C11orf65: variants seen among roughly 807,000 people sequenced by gnomAD.
The protein encoded by C11orf65 is chromosome 11 open reading frame 65.
C11orf65 carries 38 observed loss-of-function variants against 35.3 expected under a neutral mutation model. That is an observed-to-expected ratio of 1.08 (90% CI 0.83 to 1.41). The LOEUF (loss-of-function observed/expected upper bound fraction) is 1.41, where lower values mean the gene tolerates loss of function less well. Ranked by LOEUF, C11orf65 falls within the 40% of genes most tolerant of loss-of-function variation. The pLI, the probability that C11orf65 is intolerant of heterozygous loss-of-function variation, is 0.00. For synonymous variants in C11orf65, 105 were observed against 114.4 expected, an observed-to-expected ratio of 0.92 and a Z score of 0.53; for missense variants, 370 against 367.1, an observed-to-expected ratio of 1.01 and a Z score of -0.06.
At chr11:108,437,220 G>C (rs1396736295) in intron 2 of C11orf65, among the ~76,000 whole-genome samples, 1 of 151,784 alleles carries the variant, frequency 6.6e-6, no homozygotes, top group Non-Finnish European at 1.5e-5. Flanking sequence ...TCAGGAATTC[G>C]AGGCTACAGT....
chr11:108,393,898 C>G (rs2092236034), intron 6 of C11orf65, among the ~76,000 whole-genome samples: 1 of 152,066 alleles, frequency 6.6e-6, no homozygotes, highest in Non-Finnish European at 1.5e-5. Flanking sequence ...AAAGACACAG[C>G]CAGGCCCAGC....
At chr11:108,379,169 C>T (rs541234661), downstream of C11orf65, among the ~76,000 whole-genome samples, 38 of 152,250 alleles carry the variant, frequency 2.5e-4, no homozygotes, top group African/African-American at 9.1e-4. Flanking sequence ...TATAAAGACA[C>T]ATGCACACGT....
Position 108,398,224 on chromosome 11 carries a change from G to T in C11orf65, c.561-4846C>A, listed in dbSNP as rs79389957. Among the ~76,000 whole-genome samples, 890 of 152,182 alleles carry T rather than the reference G, an allele frequency of 5.8e-3. 8 individuals carry two copies. The highest frequency in any genetic ancestry group is 0.017 in the African/African-American group (723 of 41,516). On this transcript the variant is annotated intron_variant, in intron 6 of 8. Transcript: ENST00000393084. ...CTAGAGACCAGGAAACTAATTAGAA[G>T]GTAGATGAAAAATGATGAGACATCA...
At chr11:108,441,758 G>A (rs1255142981) in intron 2 of C11orf65, among the ~76,000 whole-genome samples, 7 of 152,194 alleles carry the variant, frequency 4.6e-5, no homozygotes, top group Non-Finnish European at 7.3e-5. Flanking sequence ...GCAGCTGCGG[G>A]TCCTATTAGA....
At chr11:108,400,783 G>A (rs896164923) in intron 6 of C11orf65, among the ~76,000 whole-genome samples, 6 of 152,104 alleles carry the variant, frequency 3.9e-5, no homozygotes, top group African/African-American at 1.4e-4. Flanking sequence ...GCCTTGTAAA[G>A]GACAGCCACC....
intron 2 of C11orf65, among the ~76,000 whole-genome samples, chr11:108,356,803 G>A (rs2089986867): frequency 6.6e-6 from 1 of 152,182 alleles, no homozygotes; most frequent in African/African-American, 2.4e-5. Flanking sequence ...GATCAAATGA[G>A]AGAAGTGACA....
intron 6 of C11orf65, among the ~76,000 whole-genome samples, chr11:108,399,791 G>C (rs901266529): frequency 6.6e-6 from 1 of 152,134 alleles, no homozygotes; most frequent in East Asian, 1.9e-4. Flanking sequence ...TAAATCCCAG[G>C]TCAGTCCATG....
chr11:108,457,871 C>T (rs1315609631), intron 2 of C11orf65, among the ~76,000 whole-genome samples: 1 of 152,046 alleles, frequency 6.6e-6, no homozygotes, highest in Non-Finnish European at 1.5e-5. Context: ...ACTATGCATC[C>T]TTTTTTTAGA....
chr11:108,393,144 G>A, intron 7 of C11orf65, 64 bp downstream of exon 7: 1 of 1,480,678 alleles, frequency 6.8e-7, no homozygotes, highest in African/African-American at 1.4e-5. Flanking sequence ...CAAGGAAATA[G>A]GAAATGTTAG....
At chr11:108,338,816 G>C (rs1451184024) in intron 2 of C11orf65, among the ~76,000 whole-genome samples, 2 of 152,186 alleles carry the variant, frequency 1.3e-5, no homozygotes, top group Non-Finnish European at 2.9e-5. Context: ...ATTACTCCAA[G>C]AATGTGAAAG....
At chr11:108,332,060 C>G (rs2136531597) in intron 3 of C11orf65, 2 of 1,611,672 alleles carry the variant, frequency 1.2e-6, no homozygotes, top group South Asian at 2.2e-5. Context: ...AACATACGTA[C>G]CTTTTAGAAG....
At chr11:108,465,835 T>C (rs1591631332) in intron 1 of C11orf65, among the ~76,000 whole-genome samples, 1 of 151,702 alleles carries the variant, frequency 6.6e-6, no homozygotes, top group East Asian at 1.9e-4. Context: ...AAATACAAAA[T>C]TAGCTGGGTG....
intron 2 of C11orf65, among the ~76,000 whole-genome samples, chr11:108,441,516 C>A (rs2093153779): frequency 6.6e-6 from 1 of 152,234 alleles, no homozygotes; most frequent in East Asian, 1.9e-4. Context: ...AATGGGCAGA[C>A]TGCCTCCTCA....
chr11:108,419,170 G>C (rs1455442423), intron 3 of C11orf65, among the ~76,000 whole-genome samples: 1 of 152,110 alleles, frequency 6.6e-6, no homozygotes. Context: ...AAATCTGACA[G>C]AGACAGTAAA....
At chr11:108,378,165 A>G (rs990932107), downstream of C11orf65, among the ~76,000 whole-genome samples, 2 of 152,228 alleles carry the variant, frequency 1.3e-5, no homozygotes, top group Non-Finnish European at 2.9e-5. Context: ...AAGGGCCCGC[A>G]TCGGCAAGTC....
intron 2 of C11orf65, among the ~76,000 whole-genome samples, chr11:108,437,118 G>A (rs1387038428): frequency 6.8e-6 from 1 of 148,098 alleles, no homozygotes; most frequent in Non-Finnish European, 1.5e-5. Context: ...AAAGGGGGGG[G>A]GTGGACAAAA....
At chr11:108,324,532 A>G (rs2085468375) in intron 6 of C11orf65, among the ~76,000 whole-genome samples, 1 of 152,078 alleles carries the variant, frequency 6.6e-6, no homozygotes, top group African/African-American at 2.4e-5. Context: ...AGTTCCGCAA[A>G]AAGTTTGAGA....
At chr11:108,343,798 AAACAAC>A (rs907536224) in intron 2 of C11orf65, among the ~76,000 whole-genome samples, 2 of 152,234 alleles carry the variant, frequency 1.3e-5, no homozygotes, top group South Asian at 2.1e-4. Flanking sequence ...CAAACACAGT[AAACAAC>A]AACAACAACA....
At chr11:108,374,184 C>T (rs1565620006) in intron 2 of C11orf65, among the ~76,000 whole-genome samples, 1 of 125,096 alleles carries the variant, frequency 8.0e-6, no homozygotes, top group Non-Finnish European at 1.8e-5. Flanking sequence ...AGACTGCCTC[C>T]TCAAGTAGGT....
Sources: gnomAD v4.1 joint callset for allele counts (sites outside exome capture counted in the v4.1 genomes callset) on GRCh38, gnomAD v4.1.1 for gene constraint, MANE v1.5 for transcripts, NCBI Gene and HGNC (gene_info 2026-07-23, HGNC 2026-07-21) for gene names.